The following LPIN1 variants were observed in gnomAD, a reference collection of about 807,000 sequenced individuals.
LPIN1 encodes phosphatidate phosphatase LPIN1.
A neutral mutation model predicts 107.5 loss-of-function variants in LPIN1; 71 were observed. The ratio of observed to expected loss-of-function variants is 0.66; its 90% CI spans 0.55 to 0.80. The LOEUF (loss-of-function observed/expected upper bound fraction) is 0.80. LPIN1 is among the 30% of genes least tolerant of loss of function. The probability of loss-of-function intolerance (pLI) is 0.00; values close to 1 mark genes in which losing one functional copy is unlikely to be tolerated. For missense variants in LPIN1, 1,043 were observed against 1,160.6 expected, an observed-to-expected ratio of 0.90 and a Z score of 1.47; for synonymous variants, 445 against 452.6, an observed-to-expected ratio of 0.98 and a Z score of 0.21.
chr2:11,794,397 A>T (rs1676304765), intron 13 of LPIN1, among the ~76,000 whole-genome samples: 1 of 152,238 alleles, frequency 6.6e-6, no homozygotes, highest in South Asian at 2.1e-4. Flanking sequence ...TTTCAGTTAG[A>T]TACATATTTG....
rs577664652 is a variant in LPIN1, at chr2:11,735,167, C to T, written c.-71-6182C>T. ...ATTAGCCGGGCATGGTGGCACACGA[C>T]TGTAATCCCAGCTACTTGGGAGGCT... On this transcript the variant is annotated intron_variant, in intron 1 of 21. Coordinates refer to the LPIN1 transcript ENST00000396097. 7.9e-5 allele frequency among the ~76,000 whole-genome samples: 12 copies of T among 152,084 alleles called. No homozygotes were observed. The East Asian group carries it at 2.1e-3, about 27-fold the overall frequency.
chr2:11,684,234 G>A lies in LPIN1; in HGVS notation c.81+6506G>A, dbSNP rs187673904. On this transcript the variant is annotated intron_variant, in intron 1 of 21. Transcript: ENST00000449576. ...AAGCAGGTGTGTCTGCTAGAGCAAG[G>A]GCCAGCCAGGGTGATGGACTCTCTT... Among the ~76,000 whole-genome samples, 4 of 152,296 alleles carry A rather than the reference G, an allele frequency of 2.6e-5. No homozygotes were observed. The East Asian group carries it at 7.7e-4, about 29-fold the overall frequency.
At chr2:11,738,647 C>T (rs562310052) in intron 1 of LPIN1, among the ~76,000 whole-genome samples, 6 of 152,152 alleles carry the variant, frequency 3.9e-5, no homozygotes, top group Non-Finnish European at 7.3e-5. Context: ...ATAAGAGCAG[C>T]CTCACAAGTG....
intron 1 of LPIN1, among the ~76,000 whole-genome samples, chr2:11,749,219 G>A (rs949492357): frequency 6.6e-6 from 1 of 152,156 alleles, no homozygotes; most frequent in Non-Finnish European, 1.5e-5. Flanking sequence ...GGTGCCTATC[G>A]GATGGCTGTT....
chr2:11,798,831 A>G (rs1677176573), intron 14 of LPIN1, among the ~76,000 whole-genome samples: 1 of 152,188 alleles, frequency 6.6e-6, no homozygotes, highest in South Asian at 2.1e-4. Flanking sequence ...TGATTGACAG[A>G]ATAGTCCCCG....
At chr2:11,808,002 C>T (rs1679003320) in intron 17 of LPIN1, among the ~76,000 whole-genome samples, 1 of 152,196 alleles carries the variant, frequency 6.6e-6, no homozygotes, top group African/African-American at 2.4e-5. Flanking sequence ...CCATTCCCTT[C>T]TTCCTGCCTT....
At chr2:11,716,937 G>A (rs906935381) in intron 2 of LPIN1, among the ~76,000 whole-genome samples, 4 of 152,090 alleles carry the variant, frequency 2.6e-5, no homozygotes, top group Admixed American at 1.3e-4. Flanking sequence ...TTTCTAATAA[G>A]AACAACAATT....
chr2:11,771,583 T>G lies in LPIN1; in HGVS notation c.500T>G (p.Leu167Arg). ...KRRRKSQLDS[L>R]KRDDNMNTSE... is the part of the protein sequence containing the mutation. ...AGGAGAAAGTCACAGCTGGACAGCC[T>G]GAAGAGAGATGACAACATGAACACA... The change falls in exon 4 of 21, where the codon CTG becomes CGG. Residue 167 changes from leucine to arginine, a missense_variant. Physicochemically the swap from Leu to Arg is moderately radical, Grantham distance 102. Transcript: ENST00000674199. The surrounding 1 kb of genome is among the most constrained non-coding windows in gnomAD (Gnocchi z 4.8). 2.5e-6 allele frequency: 4 copies of G among 1,612,966 alleles called. No individual in the cohort carries two copies. Among genetic ancestry groups the G allele is most frequent in the Non-Finnish European group, 3.4e-6 (4 of 1,179,484 alleles).
At chr2:11,702,432 T>C (rs761770299) in intron 1 of LPIN1, among the ~76,000 whole-genome samples, 6 of 152,084 alleles carry the variant, frequency 3.9e-5, no homozygotes, top group African/African-American at 1.4e-4. Context: ...TTGGTTTGCA[T>C]GTGAAAGGTG....
chr2:11,684,289 T>C (rs1661883534), intron 1 of LPIN1, among the ~76,000 whole-genome samples: 1 of 152,156 alleles, frequency 6.6e-6, no homozygotes, highest in Non-Finnish European at 1.5e-5. Context: ...TCCTCCCACC[T>C]CATCCTCCCA....
At chr2:11,759,769 G>T (rs1320177606) in intron 1 of LPIN1, among the ~76,000 whole-genome samples, 1 of 148,990 alleles carries the variant, frequency 6.7e-6, no homozygotes, top group Non-Finnish European at 1.5e-5. Flanking sequence ...GGGCAGAGGC[G>T]CCCCCCACCT....
In LPIN1 at chr2:11,779,615, G is replaced by T. The variant is rs1440736307; in HGVS notation, c.927G>T (p.Trp309Cys). The change falls in exon 7 of 21, where the codon TGG becomes TGT. Residue 309 changes from tryptophan to cysteine, a missense_variant. Physicochemically the swap from Trp to Cys is radical, Grantham distance 215. Coordinates refer to ENST00000674199, the MANE Select transcript of LPIN1 (RefSeq NM_001349206.2). ...RTGQKNPEML[W>C]LWGELPQAAK... ...GGCAGAAGAACCCAGAAATGCTTTG[G>T]CTGTGGGGAGAGCTGCCGCAGGCTG... The T allele has an allele frequency of 6.2e-7, 1 of 1,614,148 alleles. No individual in the cohort carries two copies.
Position 11,805,603 on chromosome 2 carries a change from T to C in LPIN1, c.2249+447T>C, listed in dbSNP as rs115884039. The C allele has an allele frequency of 1.5e-3, 468 of 303,148 alleles. 1 individual carries two copies. Among genetic ancestry groups the C allele is most frequent in the African/African-American group, 9.7e-3 (446 of 46,180 alleles). The allele number at this position is 303,148 out of a possible 1,614,324, so 18.8% of individuals were successfully genotyped here. A position where few individuals can be genotyped will look rare whatever the true frequency, so the allele number is the denominator to read the frequency against. ...GCCAACCAGCAGGGCACATCATGTC[T>C]ACCTGGTCTGTGGAGTGCTCCAGCA... On this transcript the variant is annotated intron_variant, in intron 17 of 20. Coordinates refer to ENST00000674199, the MANE Select transcript of LPIN1 (RefSeq NM_001349206.2).
intron 1 of LPIN1, among the ~76,000 whole-genome samples, chr2:11,685,322 C>T (rs921812827): frequency 2.0e-5 from 3 of 152,114 alleles, no homozygotes; most frequent in Non-Finnish European, 2.9e-5. Flanking sequence ...GGAGCACAGG[C>T]CAGCATGGAG....
chr2:11,811,537 A>C (rs1406679718), intron 17 of LPIN1, among the ~76,000 whole-genome samples: 1 of 152,254 alleles, frequency 6.6e-6, no homozygotes, highest in Non-Finnish European at 1.5e-5. Context: ...CAACTGTGAA[A>C]TATATTTGAC....
At chr2:11,686,993 CTTTTTTTTTT>C (rs141927239) in intron 1 of LPIN1, among the ~76,000 whole-genome samples, 1 of 85,088 alleles carries the variant, frequency 1.2e-5, no homozygotes, top group Non-Finnish European at 2.1e-5. Context: ...GCTTTTGATC[CTTTTTTTTTT>C]TTTTTTTTTT....
chr2:11,775,136 C>T (rs955050285), intron 5 of LPIN1, among the ~76,000 whole-genome samples: 2 of 152,134 alleles, frequency 1.3e-5, no homozygotes, highest in Non-Finnish European at 2.9e-5. Context: ...ATTTCACATG[C>T]GCAGAACATC....
chr2:11,778,277 C>T (rs950641770), intron 6 of LPIN1, among the ~76,000 whole-genome samples: 5 of 152,202 alleles, frequency 3.3e-5, no homozygotes, highest in Non-Finnish European at 7.4e-5. Context: ...CGAAAGAGAG[C>T]GTGCAGGCTG....
chr2:11,731,844 T>C (rs539904029), intron 1 of LPIN1, among the ~76,000 whole-genome samples: 2 of 149,372 alleles, frequency 1.3e-5, no homozygotes, highest in Non-Finnish European at 3.0e-5. Flanking sequence ...TTTTTTTTCA[T>C]ATGTTTGTTG....
Sources: gnomAD v4.1 joint callset for allele counts (sites outside exome capture counted in the v4.1 genomes callset) on GRCh38, gnomAD v4.1.1 for gene constraint, Gnocchi (gnomAD v3.1) non-coding constraint, MANE v1.5 for transcripts, NCBI Gene and HGNC (gene_info 2026-07-23, HGNC 2026-07-21) for gene names.